The following SLC25A31 variants were observed in gnomAD, a reference collection of about 807,000 sequenced individuals.
The protein encoded by SLC25A31 is ADP/ATP translocase 4.
In SLC25A31, 40 loss-of-function variants were observed where a neutral mutation model predicts 36.2. That is an observed-to-expected ratio of 1.10 (90% CI 0.86 to 1.44). SLC25A31 has a LOEUF of 1.44. SLC25A31 is among the 40% of genes most tolerant of loss of function. The pLI is 0.00. For synonymous variants in SLC25A31, 143 were observed against 149.7 expected (o/e 0.96, Z 0.32); for missense variants, 350 against 397.1 (o/e 0.88, Z 1.01).
intron 3 of SLC25A31, among the ~76,000 whole-genome samples, chr4:127,765,513 A>G (rs1732224215): frequency 6.6e-6 from 1 of 152,116 alleles, no homozygotes; most frequent in South Asian, 2.1e-4. Flanking sequence ...AGATTCATTC[A>G]ACAAATATTG....
chr4:127,773,401 C>T lies in SLC25A31; in HGVS notation c.775C>T (p.Arg259Trp), dbSNP rs533689186. Residue 259 changes from arginine (R) to tryptophan (W), a missense_variant, in exon 6 of 6, where the codon CGG (arginine) becomes TGG (tryptophan). Arg to Trp is a moderately radical substitution (Grantham distance 101). Transcript: ENST00000281154. The stretch of plus-strand genomic sequence containing the variant: ...CTTTGTATAGAGTGGTGAGGCTAAA[C>T]GGCAATATAAAGGAACCTTAGACTG... ...RMMMQSGEAK[R>W]QYKGTLDCFV... 59 of 1,611,932 alleles carry T rather than the reference C, an allele frequency of 3.7e-5. No homozygotes were observed. Among genetic ancestry groups the T allele is most frequent in the East Asian group, 2.0e-4 (9 of 44,864 alleles).
At chr4:127,758,073 G>T (rs564497056) in intron 2 of SLC25A31, among the ~76,000 whole-genome samples, 2 of 152,134 alleles carry the variant, frequency 1.3e-5, no homozygotes, top group African/African-American at 4.8e-5. Context: ...AAACCCATCA[G>T]ATCTCATGAG....
intron 2 of SLC25A31, among the ~76,000 whole-genome samples, chr4:127,762,840 C>T (rs1732167961): frequency 6.6e-6 from 1 of 151,544 alleles, no homozygotes; most frequent in Admixed American, 6.6e-5. Flanking sequence ...AGGAGAATGG[C>T]GTGAACCCAG....
At chr4:127,772,773 T>TC (rs1732387327) in intron 5 of SLC25A31, among the ~76,000 whole-genome samples, 1 of 151,522 alleles carries the variant, frequency 6.6e-6, no homozygotes, top group Non-Finnish European at 1.5e-5. Context: ...ACATATGATT[T>TC]CTTTTTTTTT....
rs140591258 is a variant in SLC25A31, at chr4:127,735,756, C to CT, written c.232+4988dup. Among the ~76,000 whole-genome samples the CT allele has an allele frequency of 7.0e-3, 854 of 121,954 alleles. 13 individuals are homozygous for CT. Among genetic ancestry groups the CT allele is most frequent in the African/African-American group, 0.025 (808 of 32,434 alleles). The allele number at this position is 121,954 out of a possible 152,430, so 80.0% of individuals were successfully genotyped here. A position where few individuals can be genotyped will look rare whatever the true frequency, so the allele number is the denominator to read the frequency against. The stretch of plus-strand genomic sequence containing the variant: ...GTATACTATTTGGAAGTCATGCAGA[C>CT]TTTTTTTTTAATTGATAGGCATATC... On this transcript the variant is annotated intron_variant, in intron 1 of 5. Coordinates refer to ENST00000281154, the MANE Select transcript of SLC25A31 (RefSeq NM_031291.4).
At chr4:127,745,522 A>G (rs1055112365) in intron 2 of SLC25A31, among the ~76,000 whole-genome samples, 7 of 151,878 alleles carry the variant, frequency 4.6e-5, no homozygotes, top group Admixed American at 3.3e-4. Context: ...ATTACTCCTC[A>G]TCTCCCACTC....
At chr4:127,735,150 C>T (rs992062615) in intron 1 of SLC25A31, among the ~76,000 whole-genome samples, 3 of 152,074 alleles carry the variant, frequency 2.0e-5, no homozygotes, top group East Asian at 1.9e-4. Context: ...CAAGAAATGG[C>T]GTATTATTTC....
At chr4:127,756,266 A>T (rs1324097400) in intron 2 of SLC25A31, among the ~76,000 whole-genome samples, 2 of 152,244 alleles carry the variant, frequency 1.3e-5, no homozygotes, top group Admixed American at 6.5e-5. Context: ...CTTATAGAAG[A>T]CAGAAATTCT....
intron 2 of SLC25A31, among the ~76,000 whole-genome samples, chr4:127,752,863 T>C (rs1231660203): frequency 6.6e-6 from 1 of 152,158 alleles, no homozygotes; most frequent in African/African-American, 2.4e-5. Context: ...TAAGAAAACA[T>C]TGAGCTTGAA....
At chr4:127,730,868 GC>G (rs1731511467) in intron 1 of SLC25A31, 91 bp downstream of exon 1, 2 of 1,226,818 alleles carry the variant, frequency 1.6e-6, no homozygotes, top group Non-Finnish European at 2.3e-6. Context: ...ATGATTGTGG[GC>G]CCCACAACCA....
chr4:127,732,582 T>G (rs545967903), intron 1 of SLC25A31, among the ~76,000 whole-genome samples: 2 of 152,236 alleles, frequency 1.3e-5, no homozygotes, highest in Non-Finnish European at 2.9e-5. Context: ...CAGATAGGGC[T>G]GACTAGTGCT....
chr4:127,730,833 A>G, intron 1 of SLC25A31, 56 bp downstream of exon 1: 1 of 1,511,904 alleles, frequency 6.6e-7, no homozygotes, highest in South Asian at 1.2e-5. Flanking sequence ...TCAGCTTCCC[A>G]GAGAAGAGGG....
intron 2 of SLC25A31, among the ~76,000 whole-genome samples, chr4:127,749,162 A>G (rs566600525): frequency 1.3e-5 from 2 of 152,238 alleles, no homozygotes; most frequent in African/African-American, 2.4e-5. Context: ...GAGCTTTAAC[A>G]GCTGACGCAA....
intron 5 of SLC25A31, among the ~76,000 whole-genome samples, chr4:127,772,110 C>CCA (rs1213292989): frequency 6.6e-6 from 1 of 152,104 alleles, no homozygotes; most frequent in African/African-American, 2.4e-5. Context: ...AGGAGTCATC[C>CCA]CACTTTTTCT....
At chr4:127,730,855 G>A (rs1731511072) in intron 1 of SLC25A31, 78 bp downstream of exon 1, 1 of 1,384,414 alleles carries the variant, frequency 7.2e-7, no homozygotes, top group Non-Finnish European at 9.9e-7. Context: ...GGCTGGGAGG[G>A]GCATGATTGT....
At chr4:127,761,776 G>A (rs1448957429) in intron 2 of SLC25A31, among the ~76,000 whole-genome samples, 1 of 152,156 alleles carries the variant, frequency 6.6e-6, no homozygotes, top group African/African-American at 2.4e-5. Flanking sequence ...AGGATCTATA[G>A]CTTTAAACAG....
intron 2 of SLC25A31, among the ~76,000 whole-genome samples, chr4:127,752,626 C>T (rs1345619840): frequency 6.6e-6 from 1 of 150,624 alleles, no homozygotes; most frequent in Non-Finnish European, 1.5e-5. Context: ...GGTGGCTATA[C>T]TTACATCATA....
At chr4:127,756,462 G>T (rs936990323) in intron 2 of SLC25A31, among the ~76,000 whole-genome samples, 1 of 152,136 alleles carries the variant, frequency 6.6e-6, no homozygotes. Context: ...GGTAGATGTT[G>T]CTCAAAGGGT....
intron 2 of SLC25A31, among the ~76,000 whole-genome samples, chr4:127,748,110 C>T (rs1344783810): frequency 2.0e-5 from 3 of 152,186 alleles, no homozygotes; most frequent in Non-Finnish European, 4.4e-5. Flanking sequence ...CTTAGCTACA[C>T]AGTTTCTGGT....
Sources: allele counts gnomAD v4.1 joint callset (sites outside exome capture counted in the v4.1 genomes callset), GRCh38; gene constraint gnomAD v4.1.1; transcripts MANE v1.5; gene names NCBI Gene and HGNC (gene_info 2026-07-23, HGNC 2026-07-21).